IGFN1: variants seen among roughly 807,000 people sequenced by gnomAD.
IGFN1 encodes immunoglobulin like and fibronectin type III domain containing 1, also known as immunoglobulin-like and fibronectin type III domain-containing protein 1.
A neutral mutation model predicts 289.5 loss-of-function variants in IGFN1; 253 were observed. That is an observed-to-expected ratio of 0.87 (90% CI 0.79 to 0.97). The LOEUF is 0.97. Ranked by LOEUF, IGFN1 falls within the 50% of genes least tolerant of loss-of-function variation. The pLI, the probability that IGFN1 is intolerant of heterozygous loss-of-function variation, is 0.00. For synonymous variants in IGFN1, 1,706 were observed against 1,788.5 expected, an observed-to-expected ratio of 0.95 and a Z score of 1.16; for missense variants, 4,470 against 4,686.1, an observed-to-expected ratio of 0.95 and a Z score of 1.35.
intron 23 of IGFN1, among the ~76,000 whole-genome samples, chr1:201,228,067 T>C (rs769081050): frequency 1.8e-4 from 28 of 152,232 alleles, no homozygotes; most frequent in Admixed American, 1.3e-4. Context: ...ACGGCCCCTT[T>C]GCACTGGAGC....
chr1:201,194,014 C>T, intron 2 of IGFN1, 140 bp from the exon 3 acceptor site: 1 of 929,316 alleles, frequency 1.1e-6, no homozygotes, highest in South Asian at 1.7e-5. Flanking sequence ...GGAGGTACTA[C>T]AAATAATCCT....
rs1472189200 is a variant in IGFN1, at chr1:201,213,118, A to G, written c.8225A>G (p.Asp2742Gly). The change falls in exon 12 of 24, where the codon GAT becomes GGT. Residue 2742 changes from aspartate (D) to glycine (G), a missense_variant. Physicochemically the swap from Asp to Gly is moderately conservative, Grantham distance 94. Around this residue, in one of 8 missense-constraint regions of IGFN1, gnomAD observed 2,218 missense variants for 2,114.1 expected, o/e 1.05. Coordinates refer to ENST00000335211, the MANE Select transcript of IGFN1 (RefSeq NM_001164586.2). ...CCTCAGGGAGCCTGGAATGGCTTAG[A>G]TGGTCCCTTTGGCAGAAAAGCCTCT... ...SGPQGAWNGL[D>G]GPFGRKASRD... 4.5e-5 allele frequency: 70 copies of G among 1,551,510 alleles called. No homozygotes were observed. The highest frequency in any genetic ancestry group is 7.1e-5 in the South Asian group (6 of 84,068).
chr1:201,225,160 G>A (rs908994503), intron 21 of IGFN1, among the ~76,000 whole-genome samples: 8 of 152,176 alleles, frequency 5.3e-5, no homozygotes, highest in South Asian at 2.1e-4. Context: ...GAGCAGAGGC[G>A]GTTACCACTG....
In IGFN1 at chr1:201,206,145, C is replaced by T. The variant is rs750021209; in HGVS notation, c.1252C>T (p.Gln418Ter). ...CCACAAACTGCAGAGGCAAGGAGCC[C>T]AGGCATCAGGAGCAGAAGAGTCTGG... is the stretch of plus-strand genomic sequence containing the variant. ...ADHKLQRQGA[Q>*]ASGAEESGSI... The change falls in exon 12 of 24, where the codon CAG (glutamine) becomes TAG (stop). Residue 418 changes from glutamine (Q) to a stop codon, truncating the protein, a stop_gained. Transcript: ENST00000335211. LOFTEE classifies it high-confidence loss of function. 12 of 1,550,926 alleles carry T rather than the reference C, an allele frequency of 7.7e-6. No individual in the cohort carries two copies. Among genetic ancestry groups the T allele is most frequent in the Non-Finnish European group, 9.6e-6 (11 of 1,146,956 alleles).
rs927675914 is a variant in IGFN1, at chr1:201,228,456, A to G, written c.*57A>G. On this transcript the variant is annotated 3_prime_UTR_variant, in exon 24 of 24. Coordinates refer to ENST00000335211, the MANE Select transcript of IGFN1 (RefSeq NM_001164586.2). The stretch of plus-strand genomic sequence containing the variant: ...TTGAAGCTTCACTTCCGACACCTGC[A>G]CTGGCCCGGGAAGCCAATCCCAAGG... 1.3e-6 allele frequency: 2 copies of G among 1,582,220 alleles called. No individual in the cohort carries two copies. Among genetic ancestry groups the G allele is most frequent in the South Asian group, 1.1e-5 (1 of 90,474 alleles).
intron 1 of IGFN1, among the ~76,000 whole-genome samples, chr1:201,192,646 C>G (rs1344569268): frequency 1.3e-5 from 2 of 152,158 alleles, no homozygotes; most frequent in African/African-American, 2.4e-5. Flanking sequence ...TGAGGCCTCT[C>G]CCCTGCAGAC....
intron 18 of IGFN1, among the ~76,000 whole-genome samples, 168 bp downstream of exon 18, chr1:201,218,826 C>T (rs6667020): frequency 0.91 from 137,669 of 152,026 alleles, 62,474 homozygotes; most frequent in East Asian, 1. Flanking sequence ...TGAGCCACAT[C>T]TTAGGGGCCC....
At chr1:201,224,587 A>G in intron 20 of IGFN1, 92 bp from the exon 21 acceptor site, 1 of 1,026,826 alleles carries the variant, frequency 9.7e-7, no homozygotes, top group Non-Finnish European at 1.5e-6. Flanking sequence ...GACTCTTCTC[A>G]CCGCTTCTAC....
intron 4 of IGFN1, 60 bp downstream of exon 4, chr1:201,196,038 G>T: frequency 6.6e-7 from 1 of 1,510,792 alleles, no homozygotes; most frequent in Non-Finnish European, 8.9e-7. Context: ...TCCCCTTGAA[G>T]GTCTCTTTGG....
chr1:201,208,459 C>T lies in IGFN1; in HGVS notation c.3566C>T (p.Pro1189Leu), dbSNP rs1667544288. The T allele has an allele frequency of 6.9e-7, 1 of 1,445,756 alleles. No homozygotes were observed. The highest frequency in any genetic ancestry group is 9.0e-7 in the Non-Finnish European group (1 of 1,106,490). 89.6% of individuals were successfully genotyped at this position (1,445,756 alleles called of 1,614,324 possible). The change falls in exon 12 of 24, where the codon CCT (proline) becomes CTT (leucine). Residue 1189 changes from proline to leucine, a missense_variant. Coordinates refer to ENST00000335211, the MANE Select transcript of IGFN1 (RefSeq NM_001164586.2). Reference sequence around the variant, plus strand: ...GGTTATAGGGATGATACCAGGCACCCTGAGTCACTCGCACCTCACAATGGG... The same window carrying T: ...GGTTATAGGGATGATACCAGGCACCTTGAGTCACTCGCACCTCACAATGGG... ...GAGYRDDTRH[P>L]ESLAPHNGAA...
At chr1:201,201,413 C>T (rs1366704542) in intron 8 of IGFN1, among the ~76,000 whole-genome samples, 1 of 152,178 alleles carries the variant, frequency 6.6e-6, no homozygotes, top group African/African-American at 2.4e-5. Flanking sequence ...GGACCTAGCA[C>T]AGAGCTTTGC....
In IGFN1 at chr1:201,208,393, G is replaced by A; in HGVS notation, c.3500G>A (p.Gly1167Glu). The change falls in exon 12 of 24, where the codon GGG (glycine) becomes GAG (glutamate). Residue 1167 changes from glycine (G) to glutamate (E), a missense_variant. Transcript: ENST00000335211. ...GGAAGCAAAGTGGGTGAGGGGGATG[G>A]GACAAGATGCCCTGGTGCTAAGGCC... ...RAGSKVGEGD[G>E]TRCPGAKASG... 1 of 1,453,574 alleles carries A rather than the reference G, an allele frequency of 6.9e-7. No individual in the cohort carries two copies. Among genetic ancestry groups the A allele is most frequent in the Non-Finnish European group, 9.0e-7 (1 of 1,111,768 alleles). 90.0% of individuals were successfully genotyped at this position (1,453,574 alleles called of 1,614,324 possible).
intron 12 of IGFN1, 65 bp from the exon 13 acceptor site, chr1:201,214,112 C>A: frequency 4.7e-6 from 7 of 1,476,116 alleles, no homozygotes; most frequent in South Asian, 1.3e-5. Flanking sequence ...GGTGGCCTTG[C>A]GGGGCACAGC....
Position 201,228,571 on chromosome 1 carries a change from GA to G in IGFN1, c.*177del. ...AGGAGGACGTGAAGTCCTTGGGGAAGAAAAACAAGGGAGGAGGGCATTCCAC... is the reference window on the plus strand; with the variant it reads ...AGGAGGACGTGAAGTCCTTGGGGAAGAAAACAAGGGAGGAGGGCATTCCAC... On this transcript the variant is annotated 3_prime_UTR_variant, in exon 24 of 24. Coordinates refer to ENST00000335211, the MANE Select transcript of IGFN1 (RefSeq NM_001164586.2). 1 of 690,452 alleles carries G rather than the reference GA, an allele frequency of 1.4e-6. No homozygotes were observed. The highest frequency in any genetic ancestry group is 2.6e-6 in the Non-Finnish European group (1 of 385,792). 42.8% of individuals were successfully genotyped at this position (690,452 alleles called of 1,614,324 possible). A position where few individuals can be genotyped will look rare whatever the true frequency, so the allele number is the denominator to read the frequency against.
In IGFN1 at chr1:201,201,021, C is replaced by T. The variant is rs569949042; in HGVS notation, c.633+610C>T. 8.5e-5 allele frequency among the ~76,000 whole-genome samples: 13 copies of T among 152,048 alleles called. No homozygotes were observed. In the South Asian group the frequency reaches 1.5e-3, roughly 17 times the overall value. Reference sequence around the variant, plus strand: ...TAACTTTTTGTATTTTTAGTAGAGACGGGGTTTCACCGTGTTAGCCAGGAT... The same window carrying T: ...TAACTTTTTGTATTTTTAGTAGAGATGGGGTTTCACCGTGTTAGCCAGGAT... On this transcript the variant is annotated intron_variant, in intron 8 of 23. Coordinates refer to ENST00000335211, the MANE Select transcript of IGFN1 (RefSeq NM_001164586.2).
rs750144896 is a variant in IGFN1, at chr1:201,226,963, A to G, written c.10868A>G (p.His3623Arg). 2.6e-5 allele frequency: 42 copies of G among 1,612,812 alleles called. No homozygotes were observed. The highest frequency in any genetic ancestry group is 3.1e-5 in the Non-Finnish European group (37 of 1,179,878). The change falls in exon 23 of 24, where the codon CAC (histidine) becomes CGC (arginine). Residue 3623 changes from histidine to arginine, a missense_variant. Physicochemically the swap from His to Arg is conservative, Grantham distance 29. Transcript: ENST00000335211. ...KPRFLVGLRS[H>R]LLPQGCECCM... The stretch of plus-strand genomic sequence containing the variant: ...CGGTTCCTGGTGGGCCTGCGGTCCC[A>G]CCTGCTGCCCCAGGGCTGCGAGTGC...
Position 201,216,509 on chromosome 1 carries a change from C to A in IGFN1, c.9351C>A (p.Gly3117=), listed in dbSNP as rs141101331. ...AGGTTCAGGATTGCCATAGGGCTGG[C>A]GTCTGCCTCCGCTGGCGGCCCCCAA... ...PMEVQDCHRA[G]VCLRWRPPRD... Residue 3117 remains glycine (G), a synonymous_variant, in exon 16 of 24, where the codon GGC becomes GGA. Transcript: ENST00000335211. The A allele has an allele frequency of 6.8e-6, 11 of 1,608,270 alleles. No individual in the cohort carries two copies. The highest frequency in any genetic ancestry group is 2.2e-5 in the East Asian group (1 of 44,768).
rs926903507 is a variant in IGFN1 at position 201,216,025 on chromosome 1, C to T, written c.9295+187C>T. On this transcript the variant is annotated intron_variant, in intron 15 of 23. Transcript: ENST00000335211. ...TAGGAAGAAGCAGTTGAGATGAACA[C>T]AGTGCTGGGCTCCTGCTGGGGGGGA... 42 of 737,932 alleles carry T rather than the reference C, an allele frequency of 5.7e-5. No homozygotes were observed. In the Admixed American group the frequency reaches 8.0e-4, roughly 14 times the overall value. The allele number at this position is 737,932 out of a possible 1,614,324, so 45.7% of individuals were successfully genotyped here.
chr1:201,191,058 C>T (rs888205623), intron 1 of IGFN1, among the ~76,000 whole-genome samples, 151 bp downstream of exon 1: 4 of 152,170 alleles, frequency 2.6e-5, no homozygotes, highest in Admixed American at 6.5e-5. Flanking sequence ...GCGGATCACA[C>T]GCTGGGGTGC....
Sources: gnomAD v4.1 joint callset for allele counts (sites outside exome capture counted in the v4.1 genomes callset) on GRCh38, gnomAD v4.1.1 for gene constraint, gnomAD v4.1.1 regional missense constraint, MANE v1.5 for transcripts, NCBI Gene and HGNC (gene_info 2026-07-23, HGNC 2026-07-21) for gene names.